PIK3R6: variants seen among roughly 807,000 people sequenced by gnomAD.
The protein encoded by PIK3R6 is phosphoinositide-3-kinase regulatory subunit 6, also known as phosphoinositide 3-kinase regulatory subunit 6.
PIK3R6 carries 91 observed loss-of-function variants against 84.9 expected under a neutral mutation model. The ratio of observed to expected loss-of-function variants is 1.07; its 90% CI spans 0.90 to 1.28. The LOEUF is 1.28. Ranked by LOEUF, PIK3R6 falls within the 50% of genes most tolerant of loss-of-function variation. The probability of loss-of-function intolerance (pLI) is 0.00; values close to 1 mark genes in which losing one functional copy is unlikely to be tolerated. For missense variants in PIK3R6, 996 were observed against 985.1 expected, an observed-to-expected ratio of 1.01 and a Z score of -0.15; for synonymous variants, 416 against 411.4, an observed-to-expected ratio of 1.01 and a Z score of -0.13.
At chr17:8,850,430 C>G (rs2088924627) in intron 1 of PIK3R6, among the ~76,000 whole-genome samples, 1 of 152,120 alleles carries the variant, frequency 6.6e-6, no homozygotes, top group Non-Finnish European at 1.5e-5. Context: ...GAGGCAGGTT[C>G]TATCTCTCCC....
intron 18 of PIK3R6, among the ~76,000 whole-genome samples, chr17:8,809,439 A>G (rs764549189): frequency 2.1e-4 from 32 of 152,210 alleles, no homozygotes; most frequent in Non-Finnish European, 3.7e-4. Context: ...AAAACCTCAC[A>G]TATCAATACT....
At chr17:8,828,327 TG>T in intron 11 of PIK3R6, 137 bp from the exon 12 acceptor site, 1 of 1,002,118 alleles carries the variant, frequency 1.0e-6, no homozygotes, top group Non-Finnish European at 1.5e-6. Flanking sequence ...ATCTACAAAA[TG>T]GGTACAGTAA....
chr17:8,835,907 CTG>C, intron 7 of PIK3R6, among the ~76,000 whole-genome samples: 1 of 152,290 alleles, frequency 6.6e-6, no homozygotes, highest in Admixed American at 6.5e-5. Context: ...TCCTCACCCA[CTG>C]TGTCTCCCCA....
At chr17:8,863,545 T>G (rs541449296) in intron 1 of PIK3R6, among the ~76,000 whole-genome samples, 202 of 151,940 alleles carry the variant, frequency 1.3e-3, no homozygotes, top group African/African-American at 3.0e-3. Context: ...GTGTGTGTGT[T>G]TTTTTTTGAG....
chr17:8,852,471 G>T (rs919217817), intron 1 of PIK3R6, among the ~76,000 whole-genome samples: 1 of 152,174 alleles, frequency 6.6e-6, no homozygotes, highest in African/African-American at 2.4e-5. Flanking sequence ...CAGGTGCGGT[G>T]GCTCACACCT....
chr17:8,863,328 A>G (rs1470201742), intron 1 of PIK3R6, among the ~76,000 whole-genome samples: 4 of 152,162 alleles, frequency 2.6e-5, no homozygotes, highest in Non-Finnish European at 2.9e-5. Context: ...AAGGCTAATT[A>G]ACATATCCAT....
intron 9 of PIK3R6, among the ~76,000 whole-genome samples, chr17:8,830,279 T>C (rs2088188533): frequency 6.6e-6 from 1 of 152,064 alleles, no homozygotes; most frequent in East Asian, 1.9e-4. Flanking sequence ...ATCAACAAAG[T>C]TTGGGGGCAG....
chr17:8,863,121 G>C (rs2089320161), intron 1 of PIK3R6, among the ~76,000 whole-genome samples: 1 of 152,178 alleles, frequency 6.6e-6, no homozygotes. Flanking sequence ...ATAAAGTTGG[G>C]AAGGGGAAGG....
intron 2 of PIK3R6, among the ~76,000 whole-genome samples, chr17:8,848,287 C>T (rs1323469299): frequency 1.3e-5 from 2 of 152,102 alleles, no homozygotes; most frequent in Non-Finnish European, 2.9e-5. Flanking sequence ...TTTATTGGTG[C>T]ACCTCTTTTC....
At chr17:8,840,892 A>G (rs2088656544) in intron 2 of PIK3R6, among the ~76,000 whole-genome samples, 2 of 151,356 alleles carry the variant, frequency 1.3e-5, no homozygotes, top group Non-Finnish European at 2.9e-5. Context: ...AGCTGGGACT[A>G]CAGGCGCCTG....
intron 13 of PIK3R6, among the ~76,000 whole-genome samples, chr17:8,825,056 CT>C (rs1325216490): frequency 6.6e-6 from 1 of 152,148 alleles, no homozygotes; most frequent in Admixed American, 6.5e-5. Context: ...GCAGCAGGCA[CT>C]ACCCAAATAT....
At chr17:8,805,695 C>T (rs532613266) in intron 18 of PIK3R6, among the ~76,000 whole-genome samples, 13 of 152,140 alleles carry the variant, frequency 8.5e-5, no homozygotes, top group African/African-American at 3.1e-4. Context: ...GTGGGCAGAT[C>T]CCCTGAGGTC....
In PIK3R6 at chr17:8,842,502, T is replaced by C. The variant is rs1194199258; in HGVS notation, c.14-2805A>G. Among the ~76,000 whole-genome samples, 2 of 152,198 alleles carry C rather than the reference T, an allele frequency of 1.3e-5. No homozygotes were observed. The highest frequency in any genetic ancestry group is 4.8e-5 in the African/African-American group (2 of 41,442). The stretch of plus-strand genomic sequence containing the variant: ...TCTCCCAGGTCCCTCTCCATTTCTG[T>C]CACACAAGTGTTTCCCCAAATAAAT... On this transcript the variant is annotated intron_variant, in intron 2 of 19. Transcript: ENST00000619866. The surrounding 1 kb of genome is among the most constrained non-coding windows in gnomAD (Gnocchi z 4.5).
At chr17:8,860,246 G>A (rs1175214143) in intron 1 of PIK3R6, among the ~76,000 whole-genome samples, 1 of 152,094 alleles carries the variant, frequency 6.6e-6, no homozygotes, top group African/African-American at 2.4e-5. Flanking sequence ...GCAGGTGAGT[G>A]GCTGGTGAGC....
rs1225879297 is a variant in PIK3R6 at position 8,838,767 on chromosome 17, CG to C, written c.98-113del. The C allele has an allele frequency of 8.1e-6, 8 of 990,964 alleles. No homozygotes were observed. In the East Asian group the frequency reaches 1.9e-4, roughly 23 times the overall value. The allele number at this position is 990,964 out of a possible 1,614,324, so 61.4% of individuals were successfully genotyped here. On this transcript the variant is annotated intron_variant, in intron 3 of 19. Coordinates refer to ENST00000619866, the MANE Select transcript of PIK3R6 (RefSeq NM_001010855.4). ...CCTCAGCTGCAGCTCTGACCAGCCA[CG>C]GGTGTGACCCCGCCACCAGCGCTTG...
At chr17:8,860,378 A>C (rs1324133469) in intron 1 of PIK3R6, among the ~76,000 whole-genome samples, 3 of 152,156 alleles carry the variant, frequency 2.0e-5, no homozygotes, top group Admixed American at 1.3e-4. Flanking sequence ...CCGTTTCTTA[A>C]GAGAATCTAA....
At chr17:8,820,091 C>T (rs1451211842) in intron 17 of PIK3R6, among the ~76,000 whole-genome samples, 3 of 150,232 alleles carry the variant, frequency 2.0e-5, no homozygotes, top group Non-Finnish European at 4.4e-5. Context: ...GGATTACAGG[C>T]GGGCTCCACC....
chr17:8,826,965 T>A (rs2087938608), intron 13 of PIK3R6, among the ~76,000 whole-genome samples: 1 of 152,082 alleles, frequency 6.6e-6, no homozygotes, highest in Non-Finnish European at 1.5e-5. Flanking sequence ...TCAAAGCCAC[T>A]ATCTGGTTAG....
chr17:8,857,401 A>G (rs960469116), intron 1 of PIK3R6, among the ~76,000 whole-genome samples: 4 of 152,226 alleles, frequency 2.6e-5, no homozygotes, highest in Admixed American at 6.5e-5. Context: ...GCGTGGGGTC[A>G]TGGCCACTTC....
Sources: gnomAD v4.1 joint callset for allele counts (sites outside exome capture counted in the v4.1 genomes callset) on GRCh38, gnomAD v4.1.1 for gene constraint, Gnocchi (gnomAD v3.1) non-coding constraint, MANE v1.5 for transcripts, NCBI Gene and HGNC (gene_info 2026-07-23, HGNC 2026-07-21) for gene names.